The following SPMIP6 variants were observed in gnomAD, a reference collection of about 807,000 sequenced individuals.
SPMIP6 encodes the protein ciliated bronchial epithelial protein 1.
At chr9:34,385,716 A>G in the SPMIP6 span, 4 of 1,613,852 alleles carry the variant, frequency 2.5e-6, no homozygotes, top group Non-Finnish European at 3.4e-6. Context: ...AGTCCTGTAC[A>G]GCACATTTGG....
At chr9:34,387,614 C>G in the SPMIP6 span, among the ~76,000 whole-genome samples, 1 of 152,162 alleles carries the variant, frequency 6.6e-6, no homozygotes, top group African/African-American at 2.4e-5. Flanking sequence ...ACACTAAACA[C>G]AGATACACAC....
At chr9:34,394,505 GAGTTTA>G in the SPMIP6 span, among the ~76,000 whole-genome samples, 18,999 of 152,040 alleles carry the variant, frequency 0.12, 1,541 homozygotes, top group Non-Finnish European at 0.18. Flanking sequence ...AAATTCTTGG[GAGTTTA>G]AGTTTATTGT....
At chr9:34,388,842 T>A in the SPMIP6 span, among the ~76,000 whole-genome samples, 1 of 152,164 alleles carries the variant, frequency 6.6e-6, no homozygotes, top group South Asian at 2.1e-4. Context: ...TCCTTTACTA[T>A]TGGCACCTAT....
chr9:34,380,775 A>C, the SPMIP6 span: 1 of 1,544,142 alleles, frequency 6.5e-7, no homozygotes, highest in Non-Finnish European at 8.7e-7. Context: ...GAGAGCGTGC[A>C]GCGCGGGGCT....
chr9:34,382,583 T>TAAA, the SPMIP6 span: 339 of 540,024 alleles, frequency 6.3e-4, no homozygotes, highest in South Asian at 6.8e-4. Context: ...AGACTCTATC[T>TAAA]AAAAAAAAAA....
chr9:34,390,822 A>G, the SPMIP6 span, among the ~76,000 whole-genome samples: 2 of 151,844 alleles, frequency 1.3e-5, no homozygotes, highest in African/African-American at 4.8e-5. Context: ...GGGTCTCACT[A>G]TGTTGCCCAG....
chr9:34,392,254 G>A, the SPMIP6 span, among the ~76,000 whole-genome samples: 1 of 151,978 alleles, frequency 6.6e-6, no homozygotes, highest in Admixed American at 6.6e-5. This position sits in a 1 kb window ranked among gnomAD's most constrained non-coding sequence, Gnocchi z 4.6. Context: ...TGTAGAGATG[G>A]GGTCTTGTTA....
chr9:34,379,190 A>G, the SPMIP6 span: 1 of 1,567,912 alleles, frequency 6.4e-7, no homozygotes, highest in Non-Finnish European at 8.8e-7. This position sits in a 1 kb window ranked among gnomAD's most constrained non-coding sequence, Gnocchi z 4.2. Context: ...ATCTACAGGA[A>G]GAGATGGGTC....
At chr9:34,385,550 A>T in the SPMIP6 span, 1 of 1,061,006 alleles carries the variant, frequency 9.4e-7, no homozygotes, top group Non-Finnish European at 1.3e-6. Context: ...AAAAAAAAAA[A>T]AAAAAAAAAA....
the SPMIP6 span, among the ~76,000 whole-genome samples, chr9:34,390,869 G>T: frequency 6.6e-6 from 1 of 151,972 alleles, no homozygotes; most frequent in Non-Finnish European, 1.5e-5. Context: ...CAATCCTCCT[G>T]CCTCAGACTC....
At chr9:34,396,580 G>C in the SPMIP6 span, among the ~76,000 whole-genome samples, 1 of 152,138 alleles carries the variant, frequency 6.6e-6, no homozygotes, top group African/African-American at 2.4e-5. Flanking sequence ...TTCTTGGTCT[G>C]CAGACTCCTC....
the SPMIP6 span, among the ~76,000 whole-genome samples, chr9:34,392,044 T>C: frequency 2.1e-3 from 325 of 152,276 alleles, 1 homozygote; most frequent in African/African-American, 7.5e-3. This position sits in a 1 kb window ranked among gnomAD's most constrained non-coding sequence, Gnocchi z 4.6. Context: ...TATCTTGCTT[T>C]GTTGCTCAGG....
At chr9:34,394,886 C>T in the SPMIP6 span, among the ~76,000 whole-genome samples, 1 of 151,972 alleles carries the variant, frequency 6.6e-6, no homozygotes, top group African/African-American at 2.4e-5. Context: ...TTATTCAGAA[C>T]TTAAGTTGTT....
the SPMIP6 span, among the ~76,000 whole-genome samples, chr9:34,392,167 G>A: frequency 6.6e-6 from 1 of 151,924 alleles, no homozygotes; most frequent in South Asian, 2.1e-4. This position sits in a 1 kb window ranked among gnomAD's most constrained non-coding sequence, Gnocchi z 4.6. Context: ...CAAACTCCTG[G>A]GCTCAAGCCA....
At chr9:34,394,316 C>T in the SPMIP6 span, among the ~76,000 whole-genome samples, 2 of 151,970 alleles carry the variant, frequency 1.3e-5, no homozygotes, top group South Asian at 2.1e-4. Flanking sequence ...CCACCATGCC[C>T]GGCTAATTTT....
At chr9:34,382,844 C>G in the SPMIP6 span, 18 of 1,613,846 alleles carry the variant, frequency 1.1e-5, no homozygotes, top group Admixed American at 3.3e-5. Flanking sequence ...AGTCACTGCC[C>G]AGGTAGTTTG....
chr9:34,392,476 T>TG, the SPMIP6 span, among the ~76,000 whole-genome samples: 1 of 150,830 alleles, frequency 6.6e-6, no homozygotes, highest in Non-Finnish European at 1.5e-5. This position sits in a 1 kb window ranked among gnomAD's most constrained non-coding sequence, Gnocchi z 4.6. Flanking sequence ...TGTGTGTGTG[T>TG]TTAATCTGAA....
At chr9:34,388,457 GCTT>G in the SPMIP6 span, among the ~76,000 whole-genome samples, 3 of 152,038 alleles carry the variant, frequency 2.0e-5, no homozygotes, top group African/African-American at 7.2e-5. Context: ...TGGCCTAACT[GCTT>G]CTTAACAGCT....
chr9:34,389,526 C>T, the SPMIP6 span, among the ~76,000 whole-genome samples: 1 of 152,124 alleles, frequency 6.6e-6, no homozygotes, highest in Non-Finnish European at 1.5e-5. Flanking sequence ...ACTACAGGCA[C>T]ACACTACCAT....
Sources: allele counts gnomAD v4.1 joint callset (sites outside exome capture counted in the v4.1 genomes callset), GRCh38; gene constraint gnomAD v4.1.1; non-coding constraint Gnocchi (gnomAD v3.1); transcripts MANE v1.5; gene names NCBI Gene and HGNC (gene_info 2026-07-23, HGNC 2026-07-21).